Variants in SEPTIN9 observed in about 807,000 individuals in gnomAD.
SEPTIN9 encodes septin 9, also known as septin-9.
In SEPTIN9, 13 loss-of-function variants were observed where a neutral mutation model predicts 56.6. The ratio of observed to expected loss-of-function variants is 0.23; its 90% confidence interval spans 0.15 to 0.37. SEPTIN9 has a LOEUF of 0.37. Ranked by LOEUF, SEPTIN9 falls within the 10% of genes least tolerant of loss-of-function variation. The probability of loss-of-function intolerance (pLI) is 1.00; values close to 1 mark genes in which losing one functional copy is unlikely to be tolerated. For missense variants in SEPTIN9, 650 were observed against 823.1 expected, an observed-to-expected ratio of 0.79 and a Z score of 2.57; for synonymous variants, 332 against 334.1, an observed-to-expected ratio of 0.99 and a Z score of 0.07.
chr17:77,299,971 C>A (rs1278048568), intron 1 of SEPTIN9, among the ~76,000 whole-genome samples: 1 of 152,248 alleles, frequency 6.6e-6, no homozygotes, highest in African/African-American at 2.4e-5. Context: ...GCACCAGAAC[C>A]AGTGTGCTGC....
intron 3 of SEPTIN9, among the ~76,000 whole-genome samples, chr17:77,452,382 G>GC (rs1434570381): frequency 1.3e-5 from 2 of 152,226 alleles, no homozygotes; most frequent in Admixed American, 1.3e-4. Flanking sequence ...CTCCTGAAAC[G>GC]CCGTCCCAGT....
chr17:77,299,131 C>T (rs908932678), intron 1 of SEPTIN9, among the ~76,000 whole-genome samples: 1 of 152,206 alleles, frequency 6.6e-6, no homozygotes. Context: ...GCAGTCCTGT[C>T]CAAGGCCACA....
chr17:77,485,259 T>TG (rs2039721684), intron 4 of SEPTIN9, among the ~76,000 whole-genome samples: 2 of 32,124 alleles, frequency 6.2e-5, no homozygotes. Flanking sequence ...TGGTGGTGAT[T>TG]GTGATGGTGA....
rs1952833052 is a variant in SEPTIN9 at position 77,490,841 on chromosome 17, G to A, written c.1362G>A (p.Arg454=). The part of the protein sequence containing the change: ...AKADTLTLEE[R]VHFKQRITAD... ...CGGACACACTCACCCTGGAGGAGAG[G>A]GTCCACTTCAAACAGCGGGTAGGGT... Residue 454 remains arginine (R), a synonymous_variant, in exon 8 of 12, where the codon AGG becomes AGA. Coordinates refer to ENST00000427177, the MANE Select transcript of SEPTIN9 (RefSeq NM_001113491.2). 1 of 1,585,366 alleles carries A rather than the reference G, an allele frequency of 6.3e-7. No homozygotes were observed. The highest frequency in any genetic ancestry group is 8.6e-7 in the Non-Finnish European group (1 of 1,165,414).
At chr17:77,314,028 C>T (rs756636320) in intron 2 of SEPTIN9, among the ~76,000 whole-genome samples, 1 of 152,104 alleles carries the variant, frequency 6.6e-6, no homozygotes, top group Non-Finnish European at 1.5e-5. Flanking sequence ...GACGAGACCC[C>T]GTCTTGACTA....
chr17:77,364,010 G>T (rs1035439161), intron 2 of SEPTIN9, among the ~76,000 whole-genome samples: 2 of 152,142 alleles, frequency 1.3e-5, no homozygotes, highest in Non-Finnish European at 2.9e-5. Context: ...GGAACAGAGT[G>T]CGAGGGGGAC....
chr17:77,377,034 A>T (rs956888634), intron 2 of SEPTIN9: 2 of 152,150 alleles, frequency 1.3e-5, no homozygotes, highest in African/African-American at 2.4e-5. Flanking sequence ...AGGAATGGAG[A>T]GGGTATCAGT....
chr17:77,309,972 CCTAGGT>C (rs1203761396), intron 2 of SEPTIN9, among the ~76,000 whole-genome samples: 1 of 151,728 alleles, frequency 6.6e-6, no homozygotes, highest in Non-Finnish European at 1.5e-5. Context: ...GTCTGAGAAG[CCTAGGT>C]CTCCTTTTTT....
chr17:77,413,702 G>C (rs2036384590), intron 3 of SEPTIN9, among the ~76,000 whole-genome samples: 1 of 152,088 alleles, frequency 6.6e-6, no homozygotes, highest in Middle Eastern at 3.2e-3. Flanking sequence ...CTGGGTCTAG[G>C]GGGCTGAGTG....
chr17:77,336,998 GTTTT>G (rs61414789), intron 2 of SEPTIN9, among the ~76,000 whole-genome samples: 1 of 128,484 alleles, frequency 7.8e-6, no homozygotes, highest in Non-Finnish European at 1.6e-5. Context: ...TTTGCCCCCC[GTTTT>G]TTTTTTTTTT....
Position 77,318,401 on chromosome 17 carries a change from G to A in SEPTIN9, c.76+11204G>A, listed in dbSNP as rs1166714361. On this transcript the variant is annotated intron_variant, in intron 2 of 11. Transcript: ENST00000427177. This position sits in a 1 kb window ranked among gnomAD's most constrained non-coding sequence, Gnocchi z 4.9. ...CACCTAGACCATCCAGGGTGCTCTC[G>A]CCACAGCAAGATCTGCAACTGAATC... Among the ~76,000 whole-genome samples, 2 of 151,810 alleles carry A rather than the reference G, an allele frequency of 1.3e-5. No individual in the cohort carries two copies. Among genetic ancestry groups the A allele is most frequent in the African/African-American group, 2.4e-5 (1 of 41,294 alleles).
At chr17:77,444,836 A>C (rs1016988746) in intron 3 of SEPTIN9, 2 of 268,508 alleles carry the variant, frequency 7.4e-6, no homozygotes, top group African/African-American at 4.5e-5. Context: ...GGCGGTGGGA[A>C]GCTAGAAGCC....
At chr17:77,296,320 G>A (rs1247142112) in intron 1 of SEPTIN9, among the ~76,000 whole-genome samples, 3 of 152,242 alleles carry the variant, frequency 2.0e-5, no homozygotes, top group African/African-American at 7.2e-5. Flanking sequence ...GCTCTCCAGG[G>A]AGACAGCCAA....
Position 77,429,182 on chromosome 17 carries a change from T to C in SEPTIN9, c.721+26479T>C. 1 of 472,146 alleles carries C rather than the reference T, an allele frequency of 2.1e-6. No individual in the cohort carries two copies. The highest frequency in any genetic ancestry group is 4.4e-6 in the Non-Finnish European group (1 of 227,484). The allele number at this position is 472,146 out of a possible 1,614,324, so 29.2% of individuals were successfully genotyped here. On this transcript the variant is annotated intron_variant, in intron 3 of 11. Coordinates refer to ENST00000427177, the MANE Select transcript of SEPTIN9 (RefSeq NM_001113491.2). This position sits in a 1 kb window ranked among gnomAD's most constrained non-coding sequence, Gnocchi z 5.2. ...CAGCTCCTGAGGCCAAGACCAAGGC[T>C]GAGGCCGAGGCTGAGGCTGAGGCCA...
intron 2 of SEPTIN9, among the ~76,000 whole-genome samples, chr17:77,384,818 A>G (rs889507747): frequency 2.0e-5 from 3 of 150,086 alleles, no homozygotes; most frequent in African/African-American, 7.4e-5. Context: ...AGCACCCAAC[A>G]TCATCACTGT....
At chr17:77,481,369 G>A (rs1333397327) in intron 3 of SEPTIN9, among the ~76,000 whole-genome samples, 1 of 151,516 alleles carries the variant, frequency 6.6e-6, no homozygotes, top group Non-Finnish European at 1.5e-5. Flanking sequence ...CGGCCGCCTG[G>A]GTCAGTCCAG....
chr17:77,486,518 GTGTGCGCGCA>G (rs1428375924), intron 4 of SEPTIN9, among the ~76,000 whole-genome samples: 11 of 91,866 alleles, frequency 1.2e-4, no homozygotes, highest in East Asian at 1.2e-3. Flanking sequence ...GTGTGTGTGT[GTGTGCGCGCA>G]CGCGCGCGCG....
chr17:77,465,213 G>C (rs570430210), intron 3 of SEPTIN9, among the ~76,000 whole-genome samples: 1 of 152,338 alleles, frequency 6.6e-6, no homozygotes, highest in South Asian at 2.1e-4. Flanking sequence ...ATCGTGGATA[G>C]ACCACACTGT....
intron 1 of SEPTIN9, among the ~76,000 whole-genome samples, chr17:77,296,294 G>A (rs954144996): frequency 1.3e-5 from 2 of 152,180 alleles, no homozygotes; most frequent in African/African-American, 2.4e-5. Flanking sequence ...CCAAGGCACC[G>A]TCTGCATCAG....
Sources: allele counts gnomAD v4.1 joint callset (sites outside exome capture counted in the v4.1 genomes callset), GRCh38; gene constraint gnomAD v4.1.1; non-coding constraint Gnocchi (gnomAD v3.1); transcripts MANE v1.5; gene names NCBI Gene and HGNC (gene_info 2026-07-23, HGNC 2026-07-21).